PAPOLG: variants seen among roughly 807,000 people sequenced by gnomAD.
PAPOLG encodes PAP-gamma.
Under a neutral mutation model 99.0 loss-of-function variants are expected in PAPOLG, and 40 were observed. That is an observed-to-expected ratio of 0.40 (90% CI 0.31 to 0.53). The LOEUF (loss-of-function observed/expected upper bound fraction) is 0.53. Ranked by LOEUF, PAPOLG falls within the 20% of genes least tolerant of loss-of-function variation. The pLI is 0.41. For synonymous variants in PAPOLG, 310 were observed against 299.3 expected, an observed-to-expected ratio of 1.04 and a Z score of -0.37; for missense variants, 675 against 884.1, an observed-to-expected ratio of 0.76 and a Z score of 3.00.
intron 15 of PAPOLG, among the ~76,000 whole-genome samples, chr2:60,790,487 A>G (rs1488561278): frequency 6.6e-6 from 1 of 152,204 alleles, no homozygotes; most frequent in Non-Finnish European, 1.5e-5. Context: ...GTGGTAGTTA[A>G]TAAAACCTGT....
chr2:60,775,521 C>T (rs1402471892), intron 8 of PAPOLG, among the ~76,000 whole-genome samples: 2 of 152,000 alleles, frequency 1.3e-5, no homozygotes, highest in African/African-American at 2.4e-5. Context: ...TTGTTTTTAC[C>T]TTATAACACT....
intron 21 of PAPOLG, 151 bp from the exon 22 acceptor site, chr2:60,796,911 C>T (rs543278873): frequency 5.3e-6 from 5 of 944,216 alleles, no homozygotes; most frequent in Admixed American, 3.0e-5. Flanking sequence ...CCTATGAACA[C>T]GGAAGGAAAT....
intron 5 of PAPOLG, among the ~76,000 whole-genome samples, chr2:60,769,444 C>T (rs1573226561): frequency 6.6e-6 from 1 of 152,004 alleles, no homozygotes; most frequent in Non-Finnish European, 1.5e-5. Flanking sequence ...ACTAAATAAA[C>T]AAAACAGTGT....
At chr2:60,756,522 G>A (rs1376233794) in intron 1 of PAPOLG, 27 bp downstream of exon 1, 6 of 1,582,882 alleles carry the variant, frequency 3.8e-6, no homozygotes, top group East Asian at 2.3e-5. Context: ...GGCGGTTGGG[G>A]TGAGGCGGGT....
chr2:60,776,190 G>A (rs1671012245), intron 8 of PAPOLG, among the ~76,000 whole-genome samples: 1 of 152,120 alleles, frequency 6.6e-6, no homozygotes, highest in Non-Finnish European at 1.5e-5. Flanking sequence ...TGGAGCTCGT[G>A]GGTGACTAGG....
intron 7 of PAPOLG, among the ~76,000 whole-genome samples, chr2:60,773,499 A>T (rs946275155): frequency 6.6e-6 from 1 of 152,188 alleles, no homozygotes; most frequent in African/African-American, 2.4e-5. Flanking sequence ...ATAGTTTCTT[A>T]AAGGTTAGAG....
intron 15 of PAPOLG, among the ~76,000 whole-genome samples, chr2:60,788,087 GA>G (rs1671421519): frequency 6.6e-6 from 1 of 151,768 alleles, no homozygotes; most frequent in Non-Finnish European, 1.5e-5. Flanking sequence ...CAATTTCCAA[GA>G]TATATTAAGT....
intron 8 of PAPOLG, among the ~76,000 whole-genome samples, chr2:60,777,770 G>T (rs1671067081): frequency 6.6e-6 from 1 of 152,172 alleles, no homozygotes; most frequent in Non-Finnish European, 1.5e-5. Flanking sequence ...GTCTCCAGGA[G>T]TAGGGAGACC....
intron 15 of PAPOLG, among the ~76,000 whole-genome samples, chr2:60,788,354 C>T (rs1671429896): frequency 6.6e-6 from 1 of 152,136 alleles, no homozygotes; most frequent in African/African-American, 2.4e-5. Context: ...CAGAGTCTCA[C>T]TCTGTCACCC....
intron 1 of PAPOLG, among the ~76,000 whole-genome samples, chr2:60,758,991 A>T (rs950487701): frequency 6.6e-6 from 1 of 152,208 alleles, no homozygotes; most frequent in Non-Finnish European, 1.5e-5. Flanking sequence ...TTTTACTTTC[A>T]TAGCAAAATT....
In PAPOLG at chr2:60,799,825, A is replaced by G. The variant is rs1292161523; in HGVS notation, c.*2665A>G. 1 of 152,040 alleles carries G rather than the reference A, an allele frequency of 6.6e-6. No homozygotes were observed. Among genetic ancestry groups the G allele is most frequent in the Admixed American group, 6.6e-5 (1 of 15,262 alleles). 9.4% of individuals were successfully genotyped at this position (152,040 alleles called of 1,614,324 possible). A position where few individuals can be genotyped will look rare whatever the true frequency, so the allele number is the denominator to read the frequency against. On this transcript the variant is annotated 3_prime_UTR_variant, in exon 22 of 22. Transcript: ENST00000238714. ...TTTTTAGTACAGACAGCGTTTCACC[A>G]TGTTGGCCAGGCTGGTCTCGAACTT...
chr2:60,793,479 AC>A (rs1298717756), intron 17 of PAPOLG, 147 bp from the exon 18 acceptor site: 1 of 821,174 alleles, frequency 1.2e-6, no homozygotes, highest in Non-Finnish European at 1.9e-6. Context: ...TGGCAAAGTT[AC>A]TTGAGTCCAG....
chr2:60,771,933 A>G (rs1260460478), intron 7 of PAPOLG, among the ~76,000 whole-genome samples: 1 of 152,188 alleles, frequency 6.6e-6, no homozygotes, highest in African/African-American at 2.4e-5. Context: ...AATATTTACC[A>G]TGTTAAAAAA....
intron 1 of PAPOLG, among the ~76,000 whole-genome samples, chr2:60,756,806 C>G (rs1254260159): frequency 6.6e-6 from 1 of 151,918 alleles, no homozygotes. Flanking sequence ...CACTCGCCTG[C>G]CCCCAGCACT....
chr2:60,758,410 C>A (rs530619557), intron 1 of PAPOLG, among the ~76,000 whole-genome samples: 233 of 117,616 alleles, frequency 2.0e-3, no homozygotes, highest in African/African-American at 7.2e-3. Context: ...TTCTCCCTCT[C>A]TGCCTAATGA....
chr2:60,775,000 G>A (rs1371613266), intron 7 of PAPOLG, 34 bp from the exon 8 acceptor site: 2 of 1,610,524 alleles, frequency 1.2e-6, no homozygotes, highest in African/African-American at 2.7e-5. Flanking sequence ...AGAATTTGCT[G>A]CATAGTGAAA....
intron 21 of PAPOLG, among the ~76,000 whole-genome samples, chr2:60,795,801 C>T (rs540816678): frequency 6.6e-6 from 1 of 152,184 alleles, no homozygotes; most frequent in East Asian, 1.9e-4. Flanking sequence ...AGTATACTCA[C>T]AGGCTATTAG....
intron 2 of PAPOLG, 107 bp downstream of exon 2, chr2:60,760,402 CAAA>C (rs1670489607): frequency 1.8e-6 from 2 of 1,106,692 alleles, no homozygotes; most frequent in African/African-American, 3.2e-5. Flanking sequence ...GCAGAAATGA[CAAA>C]AAGAAAAATC....
chr2:60,784,212 C>A (rs1018823072), intron 13 of PAPOLG, among the ~76,000 whole-genome samples: 6 of 152,224 alleles, frequency 3.9e-5, no homozygotes, highest in Admixed American at 6.5e-5. Flanking sequence ...ACCTCGTGAT[C>A]CACCCGCCTT....
Sources: allele counts gnomAD v4.1 joint callset (sites outside exome capture counted in the v4.1 genomes callset), GRCh38; gene constraint gnomAD v4.1.1; transcripts MANE v1.5; gene names NCBI Gene and HGNC (gene_info 2026-07-23, HGNC 2026-07-21).